SYT9: variants seen among roughly 807,000 people sequenced by gnomAD.
SYT9 encodes synaptotagmin-9.
SYT9 carries 22 observed loss-of-function variants against 48.4 expected under a neutral mutation model. That is an observed-to-expected ratio of 0.45 (90% CI 0.32 to 0.65). The LOEUF is 0.65. Among genes scored for constraint, SYT9 ranks in the 30% least tolerant of loss-of-function variants. The pLI is 0.03. For missense variants in SYT9, 577 were observed against 622.0 expected, an observed-to-expected ratio of 0.93 and a Z score of 0.77; for synonymous variants, 265 against 245.0, an observed-to-expected ratio of 1.08 and a Z score of -0.76.
At chr11:7,263,951 A>T (rs943603353) in intron 1 of SYT9, among the ~76,000 whole-genome samples, 1 of 152,200 alleles carries the variant, frequency 6.6e-6, no homozygotes, top group African/African-American at 2.4e-5. Flanking sequence ...GTATGTTTGT[A>T]TGCTGGAGAG....
intron 3 of SYT9, among the ~76,000 whole-genome samples, chr11:7,356,422 G>A (rs117164284): frequency 6.6e-6 from 1 of 152,336 alleles, no homozygotes; most frequent in Non-Finnish European, 1.5e-5. Context: ...AGCAACCTGT[G>A]CCTGGCTTGG....
At chr11:7,276,684 A>G (rs2220369) in intron 1 of SYT9, among the ~76,000 whole-genome samples, 149,396 of 152,196 alleles carry the variant, frequency 0.98, 73,387 homozygotes, top group Middle Eastern at 1. Flanking sequence ...TCTTTTAAGC[A>G]TCAGTTTTGG....
chr11:7,412,735 A>G (rs1847161797), intron 3 of SYT9, among the ~76,000 whole-genome samples: 1 of 152,086 alleles, frequency 6.6e-6, no homozygotes, highest in Non-Finnish European at 1.5e-5. Context: ...AGCAGACTTG[A>G]TGTGGGCAAT....
rs1849086348 is a variant in SYT9 at position 7,309,229 on chromosome 11, G to A, written c.498-4166G>A. Among the ~76,000 whole-genome samples the A allele has an allele frequency of 2.0e-5, 3 of 152,288 alleles. No homozygotes were observed. In the South Asian group the frequency reaches 6.2e-4, roughly 32 times the overall value. Reference sequence around the variant, plus strand: ...AGAGAGAGAATGGGAGGTGGATGAAGCTGAGAGTTCCAACCCCAGCAGCCA... The same window carrying A: ...AGAGAGAGAATGGGAGGTGGATGAAACTGAGAGTTCCAACCCCAGCAGCCA... On this transcript the variant is annotated intron_variant, in intron 2 of 6. Coordinates refer to ENST00000318881, the MANE Select transcript of SYT9 (RefSeq NM_175733.4).
chr11:7,365,679 T>C (rs1450373739), intron 3 of SYT9, among the ~76,000 whole-genome samples: 1 of 152,230 alleles, frequency 6.6e-6, no homozygotes, highest in African/African-American at 2.4e-5. Flanking sequence ...TTCACTGGCC[T>C]CTGGTTCTCA....
chr11:7,316,238 A>G (rs1248992380), intron 3 of SYT9, among the ~76,000 whole-genome samples: 2 of 152,068 alleles, frequency 1.3e-5, no homozygotes, highest in Admixed American at 6.6e-5. Context: ...CATTACTTCT[A>G]TTGACCCTTG....
intron 1 of SYT9, among the ~76,000 whole-genome samples, chr11:7,246,028 TCAAA>T (rs1321599091): frequency 6.6e-6 from 1 of 152,198 alleles, no homozygotes; most frequent in Non-Finnish European, 1.5e-5. Flanking sequence ...GCTCCTATCT[TCAAA>T]CAGCTTTTCT....
rs189800876 is a variant in SYT9, at chr11:7,303,449, G to A, written c.497+59G>A. The stretch of plus-strand genomic sequence containing the variant: ...AAGGACCACCCCATTCCCCTCTCTG[G>A]CAACAATAGCACTGATAGGTCAAGG... On this transcript the variant is annotated intron_variant, in intron 2 of 6. Coordinates refer to ENST00000318881, the MANE Select transcript of SYT9 (RefSeq NM_175733.4). The A allele has an allele frequency of 2.4e-4, 336 of 1,403,238 alleles. No individual in the cohort carries two copies. The African/African-American group carries it at 4.3e-3, about 18-fold the overall frequency. 86.9% of individuals were successfully genotyped at this position (1,403,238 alleles called of 1,614,324 possible). A position where few individuals can be genotyped will look rare whatever the true frequency, so the allele number is the denominator to read the frequency against.
Position 7,313,594 on chromosome 11 carries a change from G to C in SYT9, c.697G>C (p.Asp233His). Reference protein sequence around the residue: ...KLNFILKYDCDLEQLIVKIHK... With the variant: ...KLNFILKYDCHLEQLIVKIHK... ...GAACTTCATTTTAAAATATGACTGT[G>C]ACTTAGAGCAGCTCATAGTGAAGAT... Residue 233 changes from aspartate to histidine, a missense_variant, in exon 3 of 7, where the codon GAC (aspartate) becomes CAC (histidine). Physicochemically the swap from Asp to His is moderately conservative, Grantham distance 81. Coordinates refer to ENST00000318881, the MANE Select transcript of SYT9 (RefSeq NM_175733.4). 1 of 1,614,138 alleles carries C rather than the reference G, an allele frequency of 6.2e-7. No homozygotes were observed. The highest frequency in any genetic ancestry group is 8.5e-7 in the Non-Finnish European group (1 of 1,180,024).
At chr11:7,390,706 T>G (rs565350185) in intron 3 of SYT9, among the ~76,000 whole-genome samples, 1 of 152,298 alleles carries the variant, frequency 6.6e-6, no homozygotes, top group South Asian at 2.1e-4. Flanking sequence ...AATAATAGAA[T>G]AGAATGGAAT....
chr11:7,443,348 T>A (rs1488501332), intron 6 of SYT9, among the ~76,000 whole-genome samples: 1 of 152,236 alleles, frequency 6.6e-6, no homozygotes, highest in East Asian at 1.9e-4. Flanking sequence ...ATAACAGTTA[T>A]GGTGTTACCT....
In SYT9 at chr11:7,428,917, G is replaced by A. The variant is rs112731321; in HGVS notation, c.1467+8282G>A. On this transcript the variant is annotated intron_variant, in intron 6 of 6. Transcript: ENST00000318881. ...AACTGTTGATGCTTTCTAAGGAATA[G>A]AAATTGGGAAGTCCCATGAGTGAAT... Among the ~76,000 whole-genome samples the A allele has an allele frequency of 4.3e-3, 653 of 152,294 alleles. 8 individuals are homozygous for A. The highest frequency in any genetic ancestry group is 0.022 in the South Asian group (105 of 4,814).
rs1252487934 is a variant in SYT9 at position 7,467,104 on chromosome 11, G to T, written c.*304G>T. On this transcript the variant is annotated 3_prime_UTR_variant, in exon 7 of 7. Transcript: ENST00000318881. ...ATAGTGACAGTACCAAGAGTACCAG[G>T]ACTCAATGTTTCATATGAAGCCCTT... The T allele has an allele frequency of 3.6e-5, 14 of 390,458 alleles. No homozygotes were observed. Among genetic ancestry groups the T allele is most frequent in the Non-Finnish European group, 6.0e-5 (13 of 217,016 alleles). 24.2% of individuals were successfully genotyped at this position (390,458 alleles called of 1,614,324 possible). A position where few individuals can be genotyped will look rare whatever the true frequency, so the allele number is the denominator to read the frequency against.
intron 6 of SYT9, among the ~76,000 whole-genome samples, chr11:7,443,634 CT>C (rs1847872752): frequency 6.6e-6 from 1 of 152,256 alleles, no homozygotes; most frequent in Non-Finnish European, 1.5e-5. Context: ...TCCTGAAACT[CT>C]CTTCTACCCA....
chr11:7,393,051 T>C (rs1232745990), intron 3 of SYT9, among the ~76,000 whole-genome samples: 2 of 152,116 alleles, frequency 1.3e-5, no homozygotes, highest in African/African-American at 4.8e-5. Context: ...CAAAGAGAGA[T>C]AATTTGACTT....
At chr11:7,247,275 C>T (rs1847803182), upstream of SYT9, among the ~76,000 whole-genome samples, 1 of 151,866 alleles carries the variant, frequency 6.6e-6, no homozygotes, top group East Asian at 1.9e-4. Flanking sequence ...CCCTGAGTCC[C>T]CAAAGTCCAT....
chr11:7,434,004 T>A (rs1007180277), intron 6 of SYT9, among the ~76,000 whole-genome samples: 1 of 151,804 alleles, frequency 6.6e-6, no homozygotes, highest in Non-Finnish European at 1.5e-5. Context: ...GCCCACAGAG[T>A]CAGAGACCAT....
intron 3 of SYT9, among the ~76,000 whole-genome samples, chr11:7,415,218 C>T (rs150543081): frequency 3.0e-4 from 46 of 152,264 alleles, no homozygotes; most frequent in Middle Eastern, 6.8e-3. Context: ...TCTCTCCCTG[C>T]AAGGAGGCTG....
chr11:7,428,409 CATG>C (rs1234791493), intron 6 of SYT9, among the ~76,000 whole-genome samples: 3 of 152,190 alleles, frequency 2.0e-5, no homozygotes, highest in Non-Finnish European at 4.4e-5. Context: ...TGATTGCTAA[CATG>C]ATAGGCCAGT....
Sources: gnomAD v4.1 joint callset for allele counts (sites outside exome capture counted in the v4.1 genomes callset) on GRCh38, gnomAD v4.1.1 for gene constraint, MANE v1.5 for transcripts, NCBI Gene and HGNC (gene_info 2026-07-23, HGNC 2026-07-21) for gene names.